CFTR: variants seen among roughly 807,000 people sequenced by gnomAD.
The protein encoded by CFTR is cystic fibrosis transmembrane conductance regulator.
In CFTR, 181 loss-of-function variants were observed where a neutral mutation model predicts 171.6. The observed-to-expected ratio is 1.05, with a 90% CI of 0.93 to 1.19. CFTR has a LOEUF of 1.19. Among genes scored for constraint, CFTR ranks in the 50% most tolerant of loss-of-function variants. The pLI is 0.00. For missense variants in CFTR, 1,968 were observed against 1,734.7 expected (o/e 1.13, Z -2.39); for synonymous variants, 583 against 608.0 (o/e 0.96, Z 0.60).
At chr7:117,545,062 A>G (rs1008966997) in intron 9 of CFTR, among the ~76,000 whole-genome samples, 1 of 152,242 alleles carries the variant, frequency 6.6e-6, no homozygotes, top group African/African-American at 2.4e-5. Context: ...TTACAGAAGA[A>G]AGGGGTTTGA....
intron 15 of CFTR, 21 bp from the exon 16 acceptor site, chr7:117,602,805 C>T: frequency 6.2e-7 from 1 of 1,612,616 alleles, no homozygotes; most frequent in Non-Finnish European, 8.5e-7. Context: ...AAAAAATCAA[C>T]TGTGTCTTGT....
chr7:117,509,553 A>C (rs1048138857), intron 3 of CFTR, among the ~76,000 whole-genome samples: 2 of 152,210 alleles, frequency 1.3e-5, no homozygotes, highest in Admixed American at 1.3e-4. Flanking sequence ...ATATTTTGAA[A>C]TCATATCTGC....
chr7:117,488,359 A>C (rs1291701746), intron 1 of CFTR, among the ~76,000 whole-genome samples: 1 of 152,142 alleles, frequency 6.6e-6, no homozygotes, highest in Non-Finnish European at 1.5e-5. Flanking sequence ...GTCTTCTATA[A>C]CTTTTTTTCG....
intron 15 of CFTR, among the ~76,000 whole-genome samples, chr7:117,596,719 G>T (rs1792134355): frequency 6.6e-6 from 1 of 151,854 alleles, no homozygotes; most frequent in African/African-American, 2.4e-5. Context: ...GCACCAATCA[G>T]CACTCTGTAT....
intron 22 of CFTR, among the ~76,000 whole-genome samples, chr7:117,639,799 G>A (rs1180081702): frequency 6.6e-6 from 1 of 152,054 alleles, no homozygotes; most frequent in African/African-American, 2.4e-5. Flanking sequence ...TCAATACTAT[G>A]TTTCATTAAT....
intron 3 of CFTR, among the ~76,000 whole-genome samples, chr7:117,515,779 C>T (rs769637548): frequency 1.3e-5 from 2 of 151,998 alleles, no homozygotes; most frequent in Non-Finnish European, 2.9e-5. Context: ...TCTTTCTATC[C>T]GTAAGGACGA....
chr7:117,555,233 A>T (rs1406989499), intron 10 of CFTR, among the ~76,000 whole-genome samples: 1 of 152,226 alleles, frequency 6.6e-6, no homozygotes, highest in Non-Finnish European at 1.5e-5. Context: ...ATCTATTATA[A>T]AAAGTTAAAA....
At chr7:117,578,868 AAG>A (rs1791811315) in intron 11 of CFTR, among the ~76,000 whole-genome samples, 1 of 152,110 alleles carries the variant, frequency 6.6e-6, no homozygotes, top group Non-Finnish European at 1.5e-5. Flanking sequence ...TTAAAAATTT[AAG>A]ATATATGTTA....
intron 3 of CFTR, among the ~76,000 whole-genome samples, chr7:117,515,013 T>A (rs1246765140): frequency 6.6e-6 from 1 of 152,156 alleles, no homozygotes; most frequent in Non-Finnish European, 1.5e-5. Context: ...TTTTTTCTTG[T>A]GAATTTGTTT....
chr7:117,535,002 T>C (rs1200947569), intron 5 of CFTR, among the ~76,000 whole-genome samples: 1 of 152,200 alleles, frequency 6.6e-6, no homozygotes, highest in Non-Finnish European at 1.5e-5. Flanking sequence ...TTCCACTGAA[T>C]AAAAATATGC....
At chr7:117,596,759 C>A (rs538455133) in intron 15 of CFTR, among the ~76,000 whole-genome samples, 5 of 151,946 alleles carry the variant, frequency 3.3e-5, no homozygotes, top group Admixed American at 6.5e-5. Context: ...CTTGGAGAAC[C>A]TTTATGTCTA....
intron 23 of CFTR, among the ~76,000 whole-genome samples, chr7:117,646,753 G>A (rs552383619): frequency 2.4e-4 from 36 of 152,148 alleles, no homozygotes; most frequent in African/African-American, 8.2e-4. Context: ...AGGACAGTAG[G>A]GGTGGAGTGC....
In CFTR at chr7:117,504,364, G is replaced by A. The variant is rs397508243; in HGVS notation, c.164+1G>A. 2 of 1,375,750 alleles carry A rather than the reference G, an allele frequency of 1.5e-6. No homozygotes were observed. The highest frequency in any genetic ancestry group is 1.2e-5 in the South Asian group (1 of 86,292). The allele number at this position is 1,375,750 out of a possible 1,614,324, so 85.2% of individuals were successfully genotyped here. ...ACAATCTATCTGAAAAATTGGAAAGGTATGTTCATGTACATTGTTTAGTTG... is the reference window on the plus strand; with the variant it reads ...ACAATCTATCTGAAAAATTGGAAAGATATGTTCATGTACATTGTTTAGTTG... On this transcript the variant is annotated splice_donor_variant, in intron 2 of 26. Transcript: ENST00000003084. LOFTEE classifies it high-confidence loss of function.
chr7:117,628,641 A>C (rs1460487200), intron 22 of CFTR, among the ~76,000 whole-genome samples: 1 of 152,154 alleles, frequency 6.6e-6, no homozygotes, highest in Non-Finnish European at 1.5e-5. Flanking sequence ...ACCGTTACTA[A>C]CACTGACATA....
chr7:117,530,369 A>G (rs1798838881), intron 3 of CFTR, among the ~76,000 whole-genome samples: 1 of 152,178 alleles, frequency 6.6e-6, no homozygotes, highest in African/African-American at 2.4e-5. Context: ...TCATTCTGAA[A>G]ATAATGCCAT....
rs999568610 is a variant in CFTR at position 117,518,295 on chromosome 7, T to C, written c.273+9153T>C. ...GTCTCTAACCCATTATTATAATATA[T>C]AATACAATATATATTATAATTATAA... On this transcript the variant is annotated intron_variant, in intron 3 of 26. Coordinates refer to ENST00000003084, the MANE Select transcript of CFTR (RefSeq NM_000492.4). 3.4e-5 allele frequency among the ~76,000 whole-genome samples: 5 copies of C among 147,428 alleles called. No individual in the cohort carries two copies. The East Asian group carries it at 9.7e-4, about 29-fold the overall frequency.
intron 1 of CFTR, among the ~76,000 whole-genome samples, chr7:117,483,171 G>T (rs1390436423): frequency 6.6e-6 from 1 of 152,140 alleles, no homozygotes; most frequent in Non-Finnish European, 1.5e-5. Context: ...TTATATATCA[G>T]AATAGGTATG....
At chr7:117,561,670 ACTAGGAGCTGG>A (rs1791495231) in intron 11 of CFTR, among the ~76,000 whole-genome samples, 2 of 152,176 alleles carry the variant, frequency 1.3e-5, no homozygotes, top group African/African-American at 4.8e-5. Flanking sequence ...TATACAGTGT[ACTAGGAGCTGG>A]AGATGAAAAT....
At chr7:117,663,051 G>A (rs1289720132) in intron 24 of CFTR, among the ~76,000 whole-genome samples, 1 of 152,176 alleles carries the variant, frequency 6.6e-6, no homozygotes, top group African/African-American at 2.4e-5. Context: ...GTGGTGGGAA[G>A]CAGTAGAGAT....
Sources: allele counts gnomAD v4.1 joint callset (sites outside exome capture counted in the v4.1 genomes callset), GRCh38; gene constraint gnomAD v4.1.1; transcripts MANE v1.5; gene names NCBI Gene and HGNC (gene_info 2026-07-23, HGNC 2026-07-21).